Variants in RNLS observed in about 807,000 individuals in gnomAD.
RNLS encodes the protein renalase, FAD dependent amine oxidase, also known as renalase.
RNLS carries 39 observed loss-of-function variants against 39.8 expected under a neutral mutation model. The ratio of observed to expected loss-of-function variants is 0.98; its 90% CI spans 0.76 to 1.28. The LOEUF (loss-of-function observed/expected upper bound fraction) is 1.28. Among genes scored for constraint, RNLS ranks in the 50% most tolerant of loss-of-function variants. The pLI is 0.00. For missense variants in RNLS, 410 were observed against 413.3 expected (o/e 0.99, Z 0.07); for synonymous variants, 147 against 150.7 (o/e 0.98, Z 0.18).
At chr10:88,218,410 G>C in the RNLS span, among the ~76,000 whole-genome samples, 1 of 152,216 alleles carries the variant, frequency 6.6e-6, no homozygotes, top group Non-Finnish European at 1.5e-5. Flanking sequence ...CCGGGGATGT[G>C]GGCTGCAGAT....
downstream of RNLS, among the ~76,000 whole-genome samples, chr10:88,269,784 A>C (rs1842599977): frequency 6.6e-6 from 1 of 152,238 alleles, no homozygotes; most frequent in South Asian, 2.1e-4. Flanking sequence ...TATGTACACA[A>C]CAATAGAAGG....
chr10:88,504,839 G>A (rs1363993083), intron 4 of RNLS, among the ~76,000 whole-genome samples: 2 of 123,746 alleles, frequency 1.6e-5, no homozygotes, highest in Non-Finnish European at 1.7e-5. Flanking sequence ...GAGAGAGAGA[G>A]ACAGAGTGTG....
the RNLS span, among the ~76,000 whole-genome samples, chr10:88,173,789 C>CT: frequency 2.3e-4 from 35 of 151,782 alleles, no homozygotes; most frequent in African/African-American, 4.1e-4. Flanking sequence ...CCAAATTGGT[C>CT]TTTTTTTAAA....
chr10:88,194,824 T>A, the RNLS span, among the ~76,000 whole-genome samples: 1 of 152,244 alleles, frequency 6.6e-6, no homozygotes, highest in Admixed American at 6.5e-5. Flanking sequence ...CTTCAAAAAT[T>A]GTTTATTTTG....
chr10:88,407,311 C>T (rs1853341595), intron 4 of RNLS, among the ~76,000 whole-genome samples: 1 of 151,820 alleles, frequency 6.6e-6, no homozygotes, highest in Non-Finnish European at 1.5e-5. Context: ...AGTCCCTATC[C>T]TCATGAAAAA....
intron 4 of RNLS, among the ~76,000 whole-genome samples, chr10:88,528,736 C>T (rs184693408): frequency 9.2e-5 from 14 of 151,864 alleles, no homozygotes; most frequent in African/African-American, 3.4e-4. Context: ...GCCTGTAATC[C>T]CAGCTACTCA....
chr10:88,315,522 A>G (rs1845692491), intron 5 of RNLS, among the ~76,000 whole-genome samples: 1 of 152,166 alleles, frequency 6.6e-6, no homozygotes, highest in Non-Finnish European at 1.5e-5. Flanking sequence ...ATAATATGAA[A>G]ATTGGAACCT....
intron 4 of RNLS, among the ~76,000 whole-genome samples, chr10:88,527,945 A>T: frequency 6.6e-6 from 1 of 151,910 alleles, no homozygotes; most frequent in Non-Finnish European, 1.5e-5. Flanking sequence ...AATAAAAAAA[A>T]ATCATAAAAG....
chr10:88,396,234 T>A lies in RNLS; in HGVS notation c.527-33509A>T, dbSNP rs561950177. Among the ~76,000 whole-genome samples, 3 of 152,162 alleles carry A rather than the reference T, an allele frequency of 2.0e-5. No individual in the cohort carries two copies. In the East Asian group the frequency reaches 5.8e-4, roughly 29 times the overall value. ...TTCTGTTTGTAGCTCTTTATCGGAT[T>A]TGAAAGACAACTTTAGAAAGTAATA... is the stretch of plus-strand genomic sequence containing the variant. On this transcript the variant is annotated intron_variant, in intron 4 of 6. Transcript: ENST00000331772.
At chr10:88,567,495 C>T (rs1045769716) in intron 4 of RNLS, among the ~76,000 whole-genome samples, 1 of 152,178 alleles carries the variant, frequency 6.6e-6, no homozygotes, top group Non-Finnish European at 1.5e-5. Flanking sequence ...CTGATGGCTA[C>T]ACTGTATTTT....
intron 4 of RNLS, among the ~76,000 whole-genome samples, chr10:88,516,246 A>G (rs1846400868): frequency 6.6e-6 from 1 of 152,092 alleles, no homozygotes; most frequent in African/African-American, 2.4e-5. Context: ...AAATGGTTGG[A>G]TAAGGAAATA....
chr10:88,477,789 G>T (rs565575563), intron 4 of RNLS, among the ~76,000 whole-genome samples: 1 of 152,246 alleles, frequency 6.6e-6, no homozygotes, highest in South Asian at 2.1e-4. Flanking sequence ...ATGATAGAGG[G>T]TAAGTATTTT....
intron 4 of RNLS, among the ~76,000 whole-genome samples, chr10:88,373,097 AGTCATTCTAAAATCCAT>A (rs1850695590): frequency 6.6e-6 from 1 of 152,188 alleles, no homozygotes; most frequent in Admixed American, 6.5e-5. Context: ...TGAGCAATAT[AGTCATTCTAAAATCCAT>A]AACAATAAAA....
Position 88,285,514 on chromosome 10 carries a change from AG to A in RNLS, c.877-9del, listed in dbSNP as rs745840997. ...GGCAGCAGCATTTGTAACCTGAAAA[AG>A]TAAAAAGAGGATTGCAATTGACATT... is the stretch of plus-strand genomic sequence containing the variant. On this transcript the variant is annotated splice_polypyrimidine_tract_variant and intron_variant, in intron 6 of 6. Coordinates refer to ENST00000331772, the MANE Select transcript of RNLS (RefSeq NM_001031709.3). 5.6e-5 allele frequency: 90 copies of A among 1,611,634 alleles called. No homozygotes were observed. The highest frequency in any genetic ancestry group is 7.1e-5 in the Non-Finnish European group (84 of 1,178,392).
the RNLS span, among the ~76,000 whole-genome samples, chr10:88,262,966 T>C: frequency 6.6e-6 from 1 of 152,152 alleles, no homozygotes; most frequent in South Asian, 2.1e-4. Context: ...GTTGAAGTGG[T>C]TAAGAGTGTA....
At chr10:88,365,870 T>C (rs1850055688) in intron 4 of RNLS, among the ~76,000 whole-genome samples, 1 of 152,114 alleles carries the variant, frequency 6.6e-6, no homozygotes. Context: ...TTCATTTTCT[T>C]TGTTTCCTCA....
chr10:88,322,643 C>T (rs1582783), intron 5 of RNLS, among the ~76,000 whole-genome samples: 34,654 of 152,052 alleles, frequency 0.23, 4,499 homozygotes, highest in Non-Finnish European at 0.28. Flanking sequence ...GTCAATTAAA[C>T]TTCTTTACTT....
At chr10:88,306,251 C>T (rs1844904792) in intron 6 of RNLS, among the ~76,000 whole-genome samples, 1 of 152,036 alleles carries the variant, frequency 6.6e-6, no homozygotes. Context: ...TAACAATTAA[C>T]ACCAAAACTA....
At chr10:88,472,079 C>T (rs957765145) in intron 4 of RNLS, among the ~76,000 whole-genome samples, 3 of 152,174 alleles carry the variant, frequency 2.0e-5, no homozygotes, top group African/African-American at 7.2e-5. Flanking sequence ...GGTTAATTCC[C>T]AGGAGCTGAC....
Sources: gnomAD v4.1 joint callset for allele counts (sites outside exome capture counted in the v4.1 genomes callset) on GRCh38, gnomAD v4.1.1 for gene constraint, MANE v1.5 for transcripts, NCBI Gene and HGNC (gene_info 2026-07-23, HGNC 2026-07-21) for gene names.